Variants in STK32A observed in about 807,000 individuals in gnomAD.
STK32A encodes the protein serine/threonine-protein kinase 32A.
In STK32A, 41 loss-of-function variants were observed where a neutral mutation model predicts 53.2. The ratio of observed to expected loss-of-function variants is 0.77; its 90% CI spans 0.60 to 1.00. The LOEUF (loss-of-function observed/expected upper bound fraction) is 1.00, where lower values mean the gene tolerates loss of function less well. Among genes scored for constraint, STK32A ranks in the 50% least tolerant of loss-of-function variants. STK32A has a pLI of 0.00. For synonymous variants in STK32A, 166 were observed against 162.8 expected, an observed-to-expected ratio of 1.02 and a Z score of -0.15; for missense variants, 458 against 485.8, an observed-to-expected ratio of 0.94 and a Z score of 0.54.
intron 2 of STK32A, among the ~76,000 whole-genome samples, chr5:147,244,426 T>G (rs1277337811): frequency 6.6e-6 from 1 of 152,246 alleles, no homozygotes; most frequent in Non-Finnish European, 1.5e-5. Context: ...ATATAATTCC[T>G]TGTTTGACTC....
chr5:147,387,719 A>G lies in STK32A; in HGVS notation c.*3736A>G, dbSNP rs983875183. On this transcript the variant is annotated 3_prime_UTR_variant, in exon 13 of 13. Transcript: ENST00000397936. ...TTAAACACTGATATTAAAATTTCAA[A>G]CTTCACTTATCTGTGCTGTTGTGAA... 6.6e-6 allele frequency: 1 copy of G among 152,192 alleles called. No individual in the cohort carries two copies. The highest frequency in any genetic ancestry group is 2.4e-5 in the African/African-American group (1 of 41,438). 9.4% of individuals were successfully genotyped at this position (152,192 alleles called of 1,614,324 possible).
intron 8 of STK32A, among the ~76,000 whole-genome samples, chr5:147,369,029 T>G (rs779633816): frequency 3.3e-5 from 5 of 152,154 alleles, no homozygotes; most frequent in Admixed American, 6.5e-5. Flanking sequence ...CTGAATCATA[T>G]GGAGTAACCT....
At chr5:147,260,260 TCTCCCTCTCC>T (rs1754487951) in intron 2 of STK32A, among the ~76,000 whole-genome samples, 2 of 135,646 alleles carry the variant, frequency 1.5e-5, no homozygotes, top group African/African-American at 5.6e-5. Flanking sequence ...CTCTCCTCTC[TCTCCCTCTCC>T]CCTCTCTGTC....
intron 4 of STK32A, among the ~76,000 whole-genome samples, chr5:147,287,761 C>T (rs932682610): frequency 2.0e-5 from 3 of 152,142 alleles, no homozygotes; most frequent in African/African-American, 7.2e-5. Flanking sequence ...TTCTTCCCCT[C>T]TCTCTGCATC....
At chr5:147,349,972 A>G (rs1357119274) in intron 6 of STK32A, among the ~76,000 whole-genome samples, 1 of 151,918 alleles carries the variant, frequency 6.6e-6, no homozygotes, top group Non-Finnish European at 1.5e-5. Flanking sequence ...TTAGCTGAGC[A>G]TGGTTGTGCA....
At chr5:147,395,864 G>T in the STK32A span, 1 of 1,047,908 alleles carries the variant, frequency 9.5e-7, no homozygotes, top group Non-Finnish European at 1.4e-6. Flanking sequence ...GAAGGGAGAA[G>T]TAGTATAAAA....
chr5:147,286,452 C>T (rs999413391), intron 4 of STK32A, among the ~76,000 whole-genome samples: 2 of 152,108 alleles, frequency 1.3e-5, no homozygotes, highest in African/African-American at 2.4e-5. Context: ...TAGGTTTAGT[C>T]GGACTTAGCC....
chr5:147,249,245 C>G (rs987160901), intron 2 of STK32A, among the ~76,000 whole-genome samples: 2 of 151,980 alleles, frequency 1.3e-5, no homozygotes, highest in Non-Finnish European at 2.9e-5. Flanking sequence ...AGGTAAGTGA[C>G]TTACCTCTCT....
chr5:147,287,772 C>T (rs1752413524), intron 4 of STK32A, among the ~76,000 whole-genome samples: 1 of 152,100 alleles, frequency 6.6e-6, no homozygotes, highest in African/African-American at 2.4e-5. Context: ...TCTCTGCATC[C>T]TGAGAATGAC....
intron 5 of STK32A, among the ~76,000 whole-genome samples, chr5:147,340,062 T>C (rs555485543): frequency 1.3e-5 from 2 of 152,324 alleles, no homozygotes; most frequent in African/African-American, 4.8e-5. Flanking sequence ...AAGGCATTTG[T>C]AAACTGTCAT....
chr5:147,238,098 A>G (rs1484714675), intron 1 of STK32A, among the ~76,000 whole-genome samples: 2 of 152,250 alleles, frequency 1.3e-5, no homozygotes, highest in Non-Finnish European at 2.9e-5. Flanking sequence ...CCATGACCAT[A>G]TATGTGCTAA....
intron 2 of STK32A, among the ~76,000 whole-genome samples, chr5:147,247,446 G>A (rs913030001): frequency 6.6e-6 from 1 of 152,236 alleles, no homozygotes; most frequent in African/African-American, 2.4e-5. Flanking sequence ...GCCTTGCATA[G>A]GCTTTTCTGT....
At chr5:147,399,099 C>A in the STK32A span, 1 of 1,614,060 alleles carries the variant, frequency 6.2e-7, no homozygotes, top group Non-Finnish European at 8.5e-7. Context: ...TGGTTCTTGG[C>A]AGAGACGATC....
the STK32A span, among the ~76,000 whole-genome samples, chr5:147,394,706 GA>G: frequency 1.3e-5 from 2 of 150,704 alleles, no homozygotes; most frequent in Admixed American, 1.3e-4. Context: ...CAAAAACTTT[GA>G]AAAAAATTGC....
chr5:147,305,380 T>TC, intron 4 of STK32A, among the ~76,000 whole-genome samples: 1 of 152,138 alleles, frequency 6.6e-6, no homozygotes, highest in South Asian at 2.1e-4. Flanking sequence ...TCCACCCACT[T>TC]CCCTCAGTGC....
intron 4 of STK32A, among the ~76,000 whole-genome samples, chr5:147,291,254 G>A (rs1393347329): frequency 1.3e-5 from 2 of 152,078 alleles, no homozygotes; most frequent in Non-Finnish European, 2.9e-5. Flanking sequence ...CTCCTTTTAT[G>A]TTCAGGAACT....
chr5:147,275,333 C>CTT (rs10595898), intron 2 of STK32A, among the ~76,000 whole-genome samples: 1 of 148,834 alleles, frequency 6.7e-6, no homozygotes. Context: ...CTTCCAGTCA[C>CTT]TTTTTTTTTT....
intron 6 of STK32A, among the ~76,000 whole-genome samples, chr5:147,347,834 G>A (rs1403257205): frequency 6.6e-6 from 1 of 152,170 alleles, no homozygotes; most frequent in Non-Finnish European, 1.5e-5. Flanking sequence ...GCAAGTCATG[G>A]CTGTAGCCGG....
chr5:147,319,875 G>A (rs1754213714), intron 4 of STK32A, among the ~76,000 whole-genome samples: 1 of 152,074 alleles, frequency 6.6e-6, no homozygotes, highest in South Asian at 2.1e-4. Context: ...GACCCTTGCT[G>A]GGGTAGCATC....
Sources: allele counts gnomAD v4.1 joint callset (sites outside exome capture counted in the v4.1 genomes callset), GRCh38; gene constraint gnomAD v4.1.1; transcripts MANE v1.5; gene names NCBI Gene and HGNC (gene_info 2026-07-23, HGNC 2026-07-21).